The following LAMP3 variants were observed in gnomAD, a reference collection of about 807,000 sequenced individuals.
The protein encoded by LAMP3 is lysosome-associated membrane glycoprotein 3.
A neutral mutation model predicts 34.8 loss-of-function variants in LAMP3; 26 were observed. The ratio of observed to expected loss-of-function variants is 0.75; its 90% confidence interval spans 0.55 to 1.04. The LOEUF (loss-of-function observed/expected upper bound fraction) is 1.04. Ranked by LOEUF, LAMP3 falls within the 50% of genes least tolerant of loss-of-function variation. The pLI, the probability that LAMP3 is intolerant of heterozygous loss-of-function variation, is 0.00. For synonymous variants in LAMP3, 180 were observed against 201.9 expected (o/e 0.89, Z 0.92); for missense variants, 495 against 524.0 (o/e 0.94, Z 0.54).
intron 3 of LAMP3, among the ~76,000 whole-genome samples, chr3:183,146,605 G>A (rs1043228306): frequency 3.4e-4 from 50 of 146,474 alleles, no homozygotes; most frequent in Admixed American, 7.8e-4. Context: ...TCGGCTCACT[G>A]CAACTTCCGT....
At chr3:183,132,265 A>G in intron 5 of LAMP3, 6 of 941,808 alleles carry the variant, frequency 6.4e-6, no homozygotes, top group Non-Finnish European at 7.6e-6. Flanking sequence ...ATAATACATT[A>G]CAATAGAGTA....
At chr3:183,136,963 A>G (rs1254385674) in intron 4 of LAMP3, among the ~76,000 whole-genome samples, 1 of 151,500 alleles carries the variant, frequency 6.6e-6, no homozygotes, top group African/African-American at 2.4e-5. Flanking sequence ...AGCTATGATC[A>G]TGCCACCACA....
chr3:183,146,395 T>A (rs940112388), intron 3 of LAMP3, among the ~76,000 whole-genome samples: 1 of 152,106 alleles, frequency 6.6e-6, no homozygotes, highest in Non-Finnish European at 1.5e-5. Flanking sequence ...TTTGGAAAAA[T>A]CTAGAAGGCT....
intron 5 of LAMP3, chr3:183,132,625 A>G (rs1719959668): frequency 2.0e-6 from 2 of 985,342 alleles, no homozygotes; most frequent in Non-Finnish European, 2.4e-6. Flanking sequence ...GGCCTCCCCA[A>G]AGCAACAGGA....
intron 5 of LAMP3, 89 bp from the exon 6 acceptor site, chr3:183,124,303 G>A: frequency 8.3e-7 from 1 of 1,203,386 alleles, no homozygotes; most frequent in South Asian, 2.0e-5. Flanking sequence ...ATGAGCTTTG[G>A]CATCAAACAA....
chr3:183,154,345 T>C lies in LAMP3; in HGVS notation c.96A>G (p.Glu32=), dbSNP rs1720763709. The C allele has an allele frequency of 1.2e-6, 2 of 1,609,606 alleles. No individual in the cohort carries two copies. Among genetic ancestry groups the C allele is most frequent in the Admixed American group, 3.4e-5 (2 of 59,140 alleles). Residue 32 remains glutamate (E), a synonymous_variant, in exon 2 of 6, where the codon GAA becomes GAG. Coordinates refer to ENST00000265598, the MANE Select transcript of LAMP3 (RefSeq NM_014398.4). ...GSQMRAKAFP[E]TRDYSQPTAA... ...CAGTAGGTTGAGAATAATCTCTGGT[T>C]TCTGGAAATGCTTTTGCTCTCATTT... is the stretch of plus-strand genomic sequence containing the variant.
At chr3:183,132,864 A>T (rs1576870709) in intron 5 of LAMP3, 1 of 985,320 alleles carries the variant, frequency 1.0e-6, no homozygotes, top group Non-Finnish European at 1.2e-6. Context: ...GCCACCAGAC[A>T]TGCGGTTAGC....
At chr3:183,136,882 C>A (rs1346768966) in intron 4 of LAMP3, among the ~76,000 whole-genome samples, 2 of 151,990 alleles carry the variant, frequency 1.3e-5, no homozygotes, top group Non-Finnish European at 2.9e-5. Context: ...GTGGCACACA[C>A]CTGTGGTCCC....
chr3:183,133,649 C>T (rs576645700), intron 5 of LAMP3, among the ~76,000 whole-genome samples: 19 of 152,290 alleles, frequency 1.2e-4, no homozygotes, highest in African/African-American at 3.8e-4. Context: ...AGCCAACACG[C>T]CCAGTCCTAA....
At chr3:183,146,945 C>T (rs1303365092) in intron 3 of LAMP3, among the ~76,000 whole-genome samples, 2 of 151,934 alleles carry the variant, frequency 1.3e-5, no homozygotes, top group East Asian at 3.9e-4. Flanking sequence ...CTCCTTACCA[C>T]CTGATTGAGG....
chr3:183,160,357 C>T (rs558081091), intron 1 of LAMP3, among the ~76,000 whole-genome samples: 2 of 152,330 alleles, frequency 1.3e-5, no homozygotes, highest in African/African-American at 4.8e-5. Flanking sequence ...GATCATGTAG[C>T]ACAGTAGCGT....
In LAMP3 at chr3:183,147,649, AG is replaced by A. The variant is rs562400206; in HGVS notation, c.888+4725del. ...TTTTTACTAGCTTGCTTTGCTCATT[AG>A]GTTATATGCCTAGCACCTGTAATTC... is the stretch of plus-strand genomic sequence containing the variant. On this transcript the variant is annotated intron_variant, in intron 3 of 5. Transcript: ENST00000265598. Among the ~76,000 whole-genome samples, 41 of 151,764 alleles carry A rather than the reference AG, an allele frequency of 2.7e-4. No individual in the cohort carries two copies. In the East Asian group the frequency reaches 6.6e-3, roughly 24 times the overall value.
At chr3:183,132,778 C>T in intron 5 of LAMP3, 1 of 985,414 alleles carries the variant, frequency 1.0e-6, no homozygotes, top group African/African-American at 1.7e-5. Context: ...CTGGAATTCC[C>T]AAGACCTTAA....
chr3:183,151,681 GCCTC>G, intron 3 of LAMP3, among the ~76,000 whole-genome samples: 1 of 152,014 alleles, frequency 6.6e-6, no homozygotes, highest in East Asian at 1.9e-4. Context: ...GCCCGCCTCA[GCCTC>G]CCAAAGTGCT....
chr3:183,137,716 G>A (rs1302025185), intron 4 of LAMP3, among the ~76,000 whole-genome samples: 1 of 151,936 alleles, frequency 6.6e-6, no homozygotes, highest in Non-Finnish European at 1.5e-5. Context: ...CATCATTACT[G>A]TGACTCCTTG....
chr3:183,126,827 C>G (rs1322194189), intron 5 of LAMP3, among the ~76,000 whole-genome samples: 1 of 152,060 alleles, frequency 6.6e-6, no homozygotes, highest in African/African-American at 2.4e-5. Context: ...TAGGATCATA[C>G]AAGTACTATT....
chr3:183,151,955 T>C (rs1415009401), intron 3 of LAMP3, among the ~76,000 whole-genome samples: 1 of 152,210 alleles, frequency 6.6e-6, no homozygotes, highest in Non-Finnish European at 1.5e-5. Context: ...GCTCTGGCCC[T>C]GAATTTTGCC....
chr3:183,153,182 AAAAAAAAAAAG>A (rs1720706596), intron 2 of LAMP3, among the ~76,000 whole-genome samples: 1 of 151,574 alleles, frequency 6.6e-6, no homozygotes, highest in African/African-American at 2.4e-5. Flanking sequence ...CTCAAAAAAA[AAAAAAAAAAAG>A]AAAGAAAATA....
intron 5 of LAMP3, among the ~76,000 whole-genome samples, chr3:183,134,807 G>A (rs59443067): frequency 0.032 from 4,807 of 152,242 alleles, 251 homozygotes; most frequent in African/African-American, 0.11. Flanking sequence ...TTTAAAATAC[G>A]GCTAAACTTC....
Sources: gnomAD v4.1 joint callset for allele counts (sites outside exome capture counted in the v4.1 genomes callset) on GRCh38, gnomAD v4.1.1 for gene constraint, MANE v1.5 for transcripts, NCBI Gene and HGNC (gene_info 2026-07-23, HGNC 2026-07-21) for gene names.